Variants in GON7 observed in about 807,000 individuals in gnomAD.
The protein encoded by GON7 is GON7 subunit of KEOPS complex.
GON7 carries 2 observed loss-of-function variants against 7.6 expected under a neutral mutation model. The observed-to-expected ratio is 0.26, with a 90% confidence interval of 0.11 to 0.83. The LOEUF (loss-of-function observed/expected upper bound fraction) is 0.83. Ranked by LOEUF, GON7 falls within the 40% of genes least tolerant of loss-of-function variation. GON7 has a pLI of 0.65. For missense variants in GON7, 121 were observed against 132.2 expected (o/e 0.92, Z 0.42); for synonymous variants, 54 against 56.6 (o/e 0.95, Z 0.20).
At chr14:93,204,795 A>G (rs1489949780) in intron 1 of GON7, among the ~76,000 whole-genome samples, 1 of 152,176 alleles carries the variant, frequency 6.6e-6, no homozygotes. Flanking sequence ...TAATGCACTC[A>G]TCGGTTGATG....
chr14:93,206,808 G>T, intron 1 of GON7, 22 bp downstream of exon 1: 1 of 1,608,096 alleles, frequency 6.2e-7, no homozygotes. Context: ...TCCGGTCACT[G>T]CAGCACCGTC....
Position 93,203,635 on chromosome 14 carries a change from A to C in GON7, c.*53T>G, listed in dbSNP as rs781044407. The C allele has an allele frequency of 7.1e-7, 1 of 1,416,700 alleles. No individual in the cohort carries two copies. Among genetic ancestry groups the C allele is most frequent in the South Asian group, 1.2e-5 (1 of 86,236 alleles). The allele number at this position is 1,416,700 out of a possible 1,614,324, so 87.8% of individuals were successfully genotyped here. ...AGCATAAGTCTTCCTTAAATGTCCT[A>C]GTGTGACAATAAGGATACAACAGCC... On this transcript the variant is annotated 3_prime_UTR_variant, in exon 2 of 2. Coordinates refer to ENST00000306954, the MANE Select transcript of GON7 (RefSeq NM_032490.5).
intron 1 of GON7, 139 bp from the exon 2 acceptor site, chr14:93,203,921 G>T: frequency 1.7e-6 from 1 of 578,470 alleles, no homozygotes; most frequent in Non-Finnish European, 3.0e-6. Flanking sequence ...ATGATTTTGA[G>T]AATTTCAGTG....
At position 93,203,771 on chromosome 14, in the gene GON7, C is replaced by G. The variant is rs1310125977; in HGVS notation, c.220G>C (p.Asp74His). 6.2e-7 allele frequency: 1 copy of G among 1,612,842 alleles called. No individual in the cohort carries two copies. Among genetic ancestry groups the G allele is most frequent in the Non-Finnish European group, 8.5e-7 (1 of 1,179,210 alleles). ...ATGTTATTTTCATCTTCTGCATCAT[C>G]TTCATCATCACCTTTTAAAATAAAT... The part of the protein sequence containing the change: ...PDEDLDGDDE[D>H]DAEDENNIDN... Residue 74 changes from aspartate (D) to histidine (H), a missense_variant, in exon 2 of 2, where the codon GAT (aspartate) becomes CAT (histidine). Physicochemically the swap from Asp to His is moderately conservative, Grantham distance 81 (BLOSUM62 -1). Coordinates refer to ENST00000306954, the MANE Select transcript of GON7 (RefSeq NM_032490.5).
In GON7 at chr14:93,207,044, C is replaced by T. The variant is rs766300417; in HGVS notation, c.-7G>A. On this transcript the variant is annotated 5_prime_UTR_variant, in exon 1 of 2. Transcript: ENST00000306954. The stretch of plus-strand genomic sequence containing the variant: ...ACTCTCCCAGCAGCTCCATGGTGAC[C>T]GCTAAGCTTCCAGAACACGACACCG... The T allele has an allele frequency of 8.4e-5, 135 of 1,612,404 alleles. No homozygotes were observed. The highest frequency in any genetic ancestry group is 1.1e-4 in the Non-Finnish European group (130 of 1,179,748).
chr14:93,203,584 C>A lies in GON7; in HGVS notation c.*104G>T. 5.2e-6 allele frequency: 5 copies of A among 952,738 alleles called. No homozygotes were observed. The highest frequency in any genetic ancestry group is 5.1e-5 in the South Asian group (3 of 58,950). The allele number at this position is 952,738 out of a possible 1,614,324, so 59.0% of individuals were successfully genotyped here. On this transcript the variant is annotated 3_prime_UTR_variant, in exon 2 of 2. Coordinates refer to ENST00000306954, the MANE Select transcript of GON7 (RefSeq NM_032490.5). ...CTTTGACAAAATTGTCCCAGGAGAACAACACAAATGCTTTTTCCAAATTAG... is the reference window on the plus strand; with the variant it reads ...CTTTGACAAAATTGTCCCAGGAGAAAAACACAAATGCTTTTTCCAAATTAG...
intron 1 of GON7, among the ~76,000 whole-genome samples, chr14:93,204,136 C>T (rs1281190341): frequency 6.6e-6 from 1 of 152,174 alleles, no homozygotes; most frequent in Non-Finnish European, 1.5e-5. Flanking sequence ...GCTGGGATTA[C>T]AGGCACGCGC....
chr14:93,203,951 A>G (rs1265130995), intron 1 of GON7, among the ~76,000 whole-genome samples, 169 bp from the exon 2 acceptor site: 1 of 152,180 alleles, frequency 6.6e-6, no homozygotes, highest in Admixed American at 6.5e-5. Flanking sequence ...TTTATTTTCT[A>G]TCACTTTCCT....
Position 93,203,728 on chromosome 14 carries a change from AAGTT to A in GON7, c.259_262del (p.Asn87SerfsTer21). On this transcript the variant is annotated frameshift_variant, in exon 2 of 2. Coordinates refer to ENST00000306954, the MANE Select transcript of GON7 (RefSeq NM_032490.5). LOFTEE classifies it high-confidence loss of function. ...TGGCCGTTTTGCAGATGGTCCATCG[AAGTT>A]AGTTCTGTTATCAATGTTATTTTCA... is the stretch of plus-strand genomic sequence containing the variant. 2.5e-6 allele frequency: 4 copies of A among 1,614,082 alleles called. No individual in the cohort carries two copies. Among genetic ancestry groups the A allele is most frequent in the Non-Finnish European group, 2.5e-6 (3 of 1,180,004 alleles).
At chr14:93,206,691 C>A in intron 1 of GON7, 139 bp downstream of exon 1, 1 of 985,586 alleles carries the variant, frequency 1.0e-6, no homozygotes, top group Non-Finnish European at 1.5e-6. Flanking sequence ...CCTAGCCCGC[C>A]AAAAATTTTT....
chr14:93,206,721 T>C (rs2140094779), intron 1 of GON7, 109 bp downstream of exon 1: 3 of 1,202,142 alleles, frequency 2.5e-6, no homozygotes, highest in Admixed American at 5.9e-5. Flanking sequence ...TCTTCTTTCC[T>C]CGAGGCTCAC....
Position 93,206,827 on chromosome 14 carries a change from C to G in GON7, c.208+3G>C, listed in dbSNP as rs903380883. 2 of 1,612,960 alleles carry G rather than the reference C, an allele frequency of 1.2e-6. No individual in the cohort carries two copies. The highest frequency in any genetic ancestry group is 2.7e-5 in the African/African-American group (2 of 74,932). The stretch of plus-strand genomic sequence containing the variant: ...GTCACTGCAGCACCGTCTCAGAGCT[C>G]ACCGTCCAAGTCCTCGTCTGGAGCC... On this transcript the variant is annotated splice_donor_region_variant and intron_variant, in intron 1 of 1. Coordinates refer to ENST00000306954, the MANE Select transcript of GON7 (RefSeq NM_032490.5).
intron 1 of GON7, among the ~76,000 whole-genome samples, chr14:93,204,181 A>G (rs1468893367): frequency 1.3e-5 from 2 of 152,054 alleles, no homozygotes; most frequent in African/African-American, 4.8e-5. Context: ...ATTTTAGTAG[A>G]GATGGGGTTT....
chr14:93,204,865 C>T (rs938289839), intron 1 of GON7, among the ~76,000 whole-genome samples: 1 of 152,002 alleles, frequency 6.6e-6, no homozygotes, highest in Non-Finnish European at 1.5e-5. Context: ...GAGATGAGGC[C>T]TCACTCTGTC....
chr14:93,206,679 C>T (rs1405528874), intron 1 of GON7, 151 bp downstream of exon 1: 1 of 782,470 alleles, frequency 1.3e-6, no homozygotes, highest in Non-Finnish European at 2.0e-6. Context: ...AGCCCCACTT[C>T]GCCTAGCCCG....
At chr14:93,205,867 T>G (rs1262105977) in intron 1 of GON7, among the ~76,000 whole-genome samples, 1 of 152,210 alleles carries the variant, frequency 6.6e-6, no homozygotes, top group East Asian at 1.9e-4. Context: ...ATTGTACTCT[T>G]CCAAGTATGT....
intron 1 of GON7, among the ~76,000 whole-genome samples, chr14:93,205,372 TA>T (rs1162349631): frequency 6.6e-6 from 1 of 152,198 alleles, no homozygotes; most frequent in African/African-American, 2.4e-5. Flanking sequence ...TCAGGACGGT[TA>T]AAATGTACCT....
chr14:93,206,088 C>T (rs989571766), intron 1 of GON7, among the ~76,000 whole-genome samples: 1 of 152,154 alleles, frequency 6.6e-6, no homozygotes, highest in African/African-American at 2.4e-5. Context: ...TCACTGCACC[C>T]TCTGCCTCCA....
At chr14:93,204,795 A>T (rs1489949780) in intron 1 of GON7, among the ~76,000 whole-genome samples, 1 of 152,176 alleles carries the variant, frequency 6.6e-6, no homozygotes, top group East Asian at 1.9e-4. Flanking sequence ...TAATGCACTC[A>T]TCGGTTGATG....
Sources: gnomAD v4.1 joint callset for allele counts (sites outside exome capture counted in the v4.1 genomes callset) on GRCh38, gnomAD v4.1.1 for gene constraint, MANE v1.5 for transcripts, NCBI Gene and HGNC (gene_info 2026-07-23, HGNC 2026-07-21) for gene names.